The following SIAH1 variants were observed in gnomAD, a reference collection of about 807,000 sequenced individuals.
SIAH1 encodes siah E3 ubiquitin protein ligase 1.
SIAH1 carries 2 observed loss-of-function variants against 20.0 expected under a neutral mutation model. The ratio of observed to expected loss-of-function variants is 0.10; its 90% CI spans 0.04 to 0.31. The LOEUF is 0.31. Among genes scored for constraint, SIAH1 ranks in the 10% least tolerant of loss-of-function variants. The pLI, the probability that SIAH1 is intolerant of heterozygous loss-of-function variation, is 1.00. For synonymous variants in SIAH1, 118 were observed against 125.3 expected (o/e 0.94, Z 0.39); for missense variants, 119 against 355.3 (o/e 0.33, Z 5.35).
chr16:48,384,762 C>T (rs1000089888), intron 1 of SIAH1, among the ~76,000 whole-genome samples: 2 of 151,290 alleles, frequency 1.3e-5, no homozygotes, highest in African/African-American at 4.8e-5. Flanking sequence ...GGCAGCTGCC[C>T]GCACTCAGCT....
intron 1 of SIAH1, among the ~76,000 whole-genome samples, chr16:48,383,338 A>G (rs1035030433): frequency 1.3e-5 from 2 of 152,232 alleles, no homozygotes; most frequent in Admixed American, 6.5e-5. Flanking sequence ...AGAATGAAAC[A>G]CTACACAACC....
At chr16:48,369,561 A>T (rs1960930496) in intron 1 of SIAH1, among the ~76,000 whole-genome samples, 1 of 151,774 alleles carries the variant, frequency 6.6e-6, no homozygotes, top group Admixed American at 6.6e-5. Context: ...CAATATACTG[A>T]GACCTCATCT....
intron 1 of SIAH1, chr16:48,365,509 A>C: frequency 6.2e-7 from 1 of 1,605,066 alleles, no homozygotes; most frequent in Non-Finnish European, 8.5e-7. Context: ...CGTTTCCCCC[A>C]AGAAGTAAAG....
chr16:48,375,343 G>T lies in SIAH1; in HGVS notation c.-3+9861C>A, dbSNP rs572232646. On this transcript the variant is annotated intron_variant, in intron 1 of 1. Transcript: ENST00000394725. ...ATGTAAGAATCAACTGTTTAAACGG[G>T]GTGGGGGGAGAGAGGCGAGGAGCAG... 3.9e-5 allele frequency among the ~76,000 whole-genome samples: 6 copies of T among 152,304 alleles called. No homozygotes were observed. In the South Asian group the frequency reaches 1.2e-3, roughly 32 times the overall value.
chr16:48,365,550 C>T, intron 1 of SIAH1: 3 of 1,557,058 alleles, frequency 1.9e-6, no homozygotes, highest in Non-Finnish European at 2.6e-6. Flanking sequence ...CTTTCTGCTC[C>T]TAAGCACAGA....
rs1439045408 is a variant in SIAH1 at position 48,385,360 on chromosome 16, G to A, written c.-159C>T. On this transcript the variant is annotated 5_prime_UTR_variant, in exon 1 of 2. Coordinates refer to ENST00000394725, the MANE Select transcript of SIAH1 (RefSeq NM_003031.4). ...GCCTCTCGAGAGCGCGCCCCGCAAC[G>A]GCCGCCCCGGCTCCCCCCTGGCCGC... 3.9e-5 allele frequency: 6 copies of A among 155,290 alleles called. No individual in the cohort carries two copies. The highest frequency in any genetic ancestry group is 8.3e-5 in the Non-Finnish European group (6 of 72,596). The allele number at this position is 155,290 out of a possible 1,614,324, so 9.6% of individuals were successfully genotyped here.
At chr16:48,365,782 T>G in intron 1 of SIAH1, 1 of 1,341,504 alleles carries the variant, frequency 7.5e-7, no homozygotes, top group South Asian at 2.3e-5. Context: ...TTCTCCAGAT[T>G]CACTGGGTAG....
At position 48,365,788 on chromosome 16, in the gene SIAH1, G is replaced by C. The variant is rs1434593578; in HGVS notation, c.-2-3358C>G. On this transcript the variant is annotated intron_variant, in intron 1 of 1. Coordinates refer to ENST00000394725, the MANE Select transcript of SIAH1 (RefSeq NM_003031.4). Reference sequence around the variant, plus strand: ...AAGTTTGTTTTCTCCAGATTCACTGGGTAGGGTCCTGCCCAGCTCCAGTGG... The same window carrying C: ...AAGTTTGTTTTCTCCAGATTCACTGCGTAGGGTCCTGCCCAGCTCCAGTGG... 6.7e-6 allele frequency: 9 copies of C among 1,335,164 alleles called. No homozygotes were observed. In the East Asian group the frequency reaches 1.9e-4, roughly 28 times the overall value. 82.7% of individuals were successfully genotyped at this position (1,335,164 alleles called of 1,614,324 possible).
At chr16:48,372,777 C>G (rs1408284852) in intron 1 of SIAH1, among the ~76,000 whole-genome samples, 1 of 152,176 alleles carries the variant, frequency 6.6e-6, no homozygotes, top group Non-Finnish European at 1.5e-5. Context: ...CGGTAACAGT[C>G]AATTTCATAA....
At position 48,362,171 on chromosome 16, in the gene SIAH1, A is replaced by G. The variant is rs1440990116; in HGVS notation, c.258T>C (p.Ala86=). The change falls in exon 2 of 2, where the codon GCT becomes GCC. Residue 86 remains alanine, a synonymous_variant. Coordinates refer to ENST00000394725, the MANE Select transcript of SIAH1 (RefSeq NM_003031.4). This position sits in a 1 kb window ranked among gnomAD's most constrained non-coding sequence, Gnocchi z 4.2. ...GTACTGAATTAGCCACTTTCTCCAT[A>G]GCCAAGTTGCGAATGGATCCCAAAG... The part of the protein sequence containing the change: ...RGPLGSIRNL[A]MEKVANSVLF... The G allele has an allele frequency of 1.9e-6, 3 of 1,614,234 alleles. No homozygotes were observed. Among genetic ancestry groups the G allele is most frequent in the Non-Finnish European group, 1.7e-6 (2 of 1,180,036 alleles).
rs111553017 is a variant in SIAH1 at position 48,380,027 on chromosome 16, A to T, written c.-3+5177T>A. ...CTGTAAGGCTGGAGACCAAAAGGAGATCTCTTAAAGGTAGAAGGAAATGAA... is the reference window on the plus strand; with the variant it reads ...CTGTAAGGCTGGAGACCAAAAGGAGTTCTCTTAAAGGTAGAAGGAAATGAA... On this transcript the variant is annotated intron_variant, in intron 1 of 1. Transcript: ENST00000394725. Among the ~76,000 whole-genome samples, 1,145 of 152,340 alleles carry T rather than the reference A, an allele frequency of 7.5e-3. 16 individuals are homozygous for T. Among genetic ancestry groups the T allele is most frequent in the African/African-American group, 0.026 (1,077 of 41,570 alleles).
At chr16:48,384,814 A>G (rs1193117603) in intron 1 of SIAH1, among the ~76,000 whole-genome samples, 3 of 148,218 alleles carry the variant, frequency 2.0e-5, no homozygotes, top group Non-Finnish European at 4.5e-5. Flanking sequence ...ACCCTCCACA[A>G]CAAAGGCCGG....
At chr16:48,378,345 C>CT (rs1174225287) in intron 1 of SIAH1, among the ~76,000 whole-genome samples, 1 of 152,156 alleles carries the variant, frequency 6.6e-6, no homozygotes, top group East Asian at 1.9e-4. Flanking sequence ...AAGAGTGAAA[C>CT]TTTGTCACAA....
chr16:48,369,467 G>A (rs1007991015), intron 1 of SIAH1, among the ~76,000 whole-genome samples: 14 of 152,200 alleles, frequency 9.2e-5, no homozygotes, highest in Admixed American at 2.6e-4. Context: ...CATGGAGTTT[G>A]GTGGCTCATA....
At chr16:48,369,990 C>T (rs1960942726) in intron 1 of SIAH1, among the ~76,000 whole-genome samples, 1 of 152,232 alleles carries the variant, frequency 6.6e-6, no homozygotes, top group South Asian at 2.1e-4. Context: ...AATTCCACAG[C>T]TTACAATCCT....
chr16:48,384,935 G>C (rs1288268880), intron 1 of SIAH1, among the ~76,000 whole-genome samples: 2 of 144,812 alleles, frequency 1.4e-5, no homozygotes, highest in Non-Finnish European at 3.1e-5. Context: ...CCGGCCGCGC[G>C]GGGCCGACCC....
intron 1 of SIAH1, chr16:48,365,178 T>A: frequency 1.9e-6 from 1 of 529,264 alleles, no homozygotes; most frequent in Non-Finnish European, 3.3e-6. Flanking sequence ...CGCCCTGCAG[T>A]AGGAACCAAG....
intron 1 of SIAH1, among the ~76,000 whole-genome samples, chr16:48,374,827 GAC>G (rs2151051769): frequency 6.6e-6 from 1 of 152,280 alleles, no homozygotes; most frequent in African/African-American, 2.4e-5. Flanking sequence ...GAATAACTTT[GAC>G]AGTCAGGATA....
intron 1 of SIAH1, among the ~76,000 whole-genome samples, chr16:48,371,127 A>T (rs1030152889): frequency 2.0e-5 from 3 of 152,068 alleles, no homozygotes; most frequent in African/African-American, 7.2e-5. Context: ...AAAAAAAAAA[A>T]AAAAAAGTAA....
Sources: gnomAD v4.1 joint callset for allele counts (sites outside exome capture counted in the v4.1 genomes callset) on GRCh38, gnomAD v4.1.1 for gene constraint, Gnocchi (gnomAD v3.1) non-coding constraint, MANE v1.5 for transcripts, NCBI Gene and HGNC (gene_info 2026-07-23, HGNC 2026-07-21) for gene names.